The following GDPD1 variants were observed in gnomAD, a reference collection of about 807,000 sequenced individuals.
GDPD1 encodes the protein glycerophosphodiester phosphodiesterase domain containing 1.
In GDPD1, 28 loss-of-function variants were observed where a neutral mutation model predicts 45.1. The observed-to-expected ratio is 0.62, with a 90% CI of 0.46 to 0.85. GDPD1 has a LOEUF of 0.85. GDPD1 is among the 40% of genes least tolerant of loss of function. The pLI is 0.00. For synonymous variants in GDPD1, 139 were observed against 131.4 expected, an observed-to-expected ratio of 1.06 and a Z score of -0.40; for missense variants, 256 against 364.8, an observed-to-expected ratio of 0.70 and a Z score of 2.43.
chr17:59,242,711 C>T (rs923507552), intron 2 of GDPD1, among the ~76,000 whole-genome samples: 2 of 152,122 alleles, frequency 1.3e-5, no homozygotes, highest in Admixed American at 6.6e-5. Context: ...TCAAAGGTGA[C>T]GAGAGCAGGA....
chr17:59,236,973 A>T (rs1355706580), intron 2 of GDPD1, among the ~76,000 whole-genome samples: 1 of 152,182 alleles, frequency 6.6e-6, no homozygotes, highest in Non-Finnish European at 1.5e-5. Flanking sequence ...CTATGAATAC[A>T]TACTTTTTAA....
At chr17:59,248,930 C>T (rs2047232887) in intron 4 of GDPD1, 145 bp downstream of exon 4, 5 of 566,298 alleles carry the variant, frequency 8.8e-6, no homozygotes, top group South Asian at 2.7e-5. Flanking sequence ...AATTATCTGA[C>T]GTGAAATTAT....
intron 4 of GDPD1, among the ~76,000 whole-genome samples, chr17:59,251,991 C>CAAAAAAAAAAAAAAA (rs34224346): frequency 1.6e-5 from 1 of 60,916 alleles, no homozygotes; most frequent in Non-Finnish European, 3.2e-5. Context: ...GACTCAGTCT[C>CAAAAAAAAAAAAAAA]AAAAAAAAAA....
chr17:59,242,374 T>G (rs2047181594), intron 2 of GDPD1, among the ~76,000 whole-genome samples: 2 of 152,326 alleles, frequency 1.3e-5, no homozygotes, highest in South Asian at 2.1e-4. Context: ...AGAGATATAT[T>G]CTTAATGGCA....
At chr17:59,255,857 G>GTGTGTGTA (rs2047303346) in intron 4 of GDPD1, among the ~76,000 whole-genome samples, 1 of 40,900 alleles carries the variant, frequency 2.4e-5, no homozygotes, top group African/African-American at 1.5e-4. Flanking sequence ...ATATACACAC[G>GTGTGTGTA]TATATATATA....
At chr17:59,259,395 G>A (rs962698563) in intron 6 of GDPD1, among the ~76,000 whole-genome samples, 15 of 151,606 alleles carry the variant, frequency 9.9e-5, no homozygotes, top group South Asian at 6.3e-4. Context: ...GTGAAACCCC[G>A]TCTGTACTAA....
In GDPD1 at chr17:59,220,725, T is replaced by C; in HGVS notation, c.116T>C (p.Leu39Pro). 6.2e-7 allele frequency: 1 copy of C among 1,613,838 alleles called. No homozygotes were observed. Among genetic ancestry groups the C allele is most frequent in the Non-Finnish European group, 8.5e-7 (1 of 1,179,976 alleles). Residue 39 changes from leucine to proline, a missense_variant, in exon 1 of 10, where the codon CTC (leucine) becomes CCC (proline). Coordinates refer to ENST00000284116, the MANE Select transcript of GDPD1 (RefSeq NM_182569.4). ...CACCAGAGAAAGAAGCAGCGATTCC[T>C]CAGTAAACACATCTCTCACCGCGGA... ...LLHQRKKQRF[L>P]SKHISHRGGA... is the part of the protein sequence containing the mutation.
At chr17:59,241,149 G>A (rs1421458131) in intron 2 of GDPD1, among the ~76,000 whole-genome samples, 3 of 152,106 alleles carry the variant, frequency 2.0e-5, no homozygotes, top group Non-Finnish European at 4.4e-5. Context: ...TGTGATGTCC[G>A]CACAATGACA....
chr17:59,245,735 A>C (rs1443611879), intron 3 of GDPD1, among the ~76,000 whole-genome samples, 186 bp downstream of exon 3: 2 of 152,212 alleles, frequency 1.3e-5, no homozygotes, highest in East Asian at 3.8e-4. Context: ...CTATAACTGC[A>C]GCACTTTGGG....
At chr17:59,232,213 G>A (rs912673721) in intron 1 of GDPD1, among the ~76,000 whole-genome samples, 27 of 152,134 alleles carry the variant, frequency 1.8e-4, no homozygotes, top group Admixed American at 1.0e-3. Context: ...AGCACTTTGG[G>A]AGGCCAAGGC....
At chr17:59,227,229 G>A (rs537421837) in intron 1 of GDPD1, among the ~76,000 whole-genome samples, 1 of 151,506 alleles carries the variant, frequency 6.6e-6, no homozygotes, top group Admixed American at 6.6e-5. Context: ...GACCAGCCTG[G>A]CCAACATGTT....
chr17:59,264,148 G>A (rs538562284), intron 6 of GDPD1, among the ~76,000 whole-genome samples: 5 of 152,032 alleles, frequency 3.3e-5, no homozygotes, highest in African/African-American at 7.2e-5. Flanking sequence ...ACAGGCACAC[G>A]TCACCATGCC....
intron 1 of GDPD1, among the ~76,000 whole-genome samples, chr17:59,228,946 A>G (rs762065273): frequency 2.0e-5 from 3 of 151,244 alleles, no homozygotes; most frequent in Non-Finnish European, 2.9e-5. Flanking sequence ...CTGTGTTTTG[A>G]TTTTTGATTT....
intron 6 of GDPD1, among the ~76,000 whole-genome samples, chr17:59,266,059 G>C (rs2047396574): frequency 6.6e-6 from 1 of 150,870 alleles, no homozygotes; most frequent in African/African-American, 2.4e-5. Flanking sequence ...GCGGGGGGTG[G>C]GGGTGGTGAG....
intron 6 of GDPD1, among the ~76,000 whole-genome samples, chr17:59,263,607 T>C (rs2047376349): frequency 6.7e-6 from 1 of 149,534 alleles, no homozygotes; most frequent in South Asian, 2.1e-4. Flanking sequence ...GCCTCCCGAG[T>C]AGCTGGGATT....
chr17:59,235,764 C>T (rs1013416672), intron 2 of GDPD1, among the ~76,000 whole-genome samples: 3 of 151,190 alleles, frequency 2.0e-5, no homozygotes, highest in Non-Finnish European at 2.9e-5. Flanking sequence ...TTGCATTGAG[C>T]CGAGATTGCA....
In GDPD1 at chr17:59,261,692, T is replaced by G. The variant is rs537715949; in HGVS notation, c.576+3852T>G. On this transcript the variant is annotated intron_variant, in intron 6 of 9. Coordinates refer to ENST00000284116, the MANE Select transcript of GDPD1 (RefSeq NM_182569.4). ...TTGATTTTTTTTTGCAGAGACAGGG[T>G]CTCACTTTGTTGCCCAGGTTGATCC... 4.3e-3 allele frequency among the ~76,000 whole-genome samples: 653 copies of G among 151,454 alleles called. 4 individuals carry two copies. The highest frequency in any genetic ancestry group is 7.3e-3 in the South Asian group (35 of 4,788).
At chr17:59,266,837 G>A (rs915555978) in intron 6 of GDPD1, among the ~76,000 whole-genome samples, 20 of 152,100 alleles carry the variant, frequency 1.3e-4, no homozygotes, top group African/African-American at 4.6e-4. Flanking sequence ...ATTATACTAT[G>A]AGGCTCCAAG....
chr17:59,247,793 G>C (rs1568344090), intron 3 of GDPD1, among the ~76,000 whole-genome samples: 2 of 151,844 alleles, frequency 1.3e-5, no homozygotes, highest in African/African-American at 4.8e-5. Context: ...ACCACACCTG[G>C]CTAATTTTTC....
Sources: allele counts gnomAD v4.1 joint callset (sites outside exome capture counted in the v4.1 genomes callset), GRCh38; gene constraint gnomAD v4.1.1; transcripts MANE v1.5; gene names NCBI Gene and HGNC (gene_info 2026-07-23, HGNC 2026-07-21).